SYNE3: variants seen among roughly 807,000 people sequenced by gnomAD.
SYNE3 encodes the protein nesprin-3.
A neutral mutation model predicts 111.2 loss-of-function variants in SYNE3; 100 were observed. That is an observed-to-expected ratio of 0.90 (90% CI 0.77 to 1.06). SYNE3 has a LOEUF of 1.06. SYNE3 is among the 50% of genes least tolerant of loss of function. The pLI, the probability that SYNE3 is intolerant of heterozygous loss-of-function variation, is 0.00. For synonymous variants in SYNE3, 547 were observed against 533.9 expected, an observed-to-expected ratio of 1.02 and a Z score of -0.34; for missense variants, 1,160 against 1,240.3, an observed-to-expected ratio of 0.94 and a Z score of 0.97.
intron 1 of SYNE3, among the ~76,000 whole-genome samples, chr14:95,514,320 G>C (rs1890833361): frequency 6.6e-6 from 1 of 152,200 alleles, no homozygotes; most frequent in Admixed American, 6.5e-5. Context: ...TGGGTCAGCT[G>C]TTTGGGGTCA....
chr14:95,508,590 G>A (rs1172919915), intron 1 of SYNE3, among the ~76,000 whole-genome samples: 1 of 152,262 alleles, frequency 6.6e-6, no homozygotes, highest in African/African-American at 2.4e-5. Flanking sequence ...CTCTGAGGCC[G>A]TGACTGTGAG....
In SYNE3 at chr14:95,433,306, T is replaced by C. The variant is rs987276582; in HGVS notation, c.2642A>G (p.Gln881Arg). ...TSDELEDLRY[Q>R]WMLYKSKLKD... ...CAGCTTGGACTTGTACAGCATCCAC[T>C]GGTAGCGCAGATCTTCCAGCTCATC... Residue 881 changes from glutamine to arginine, a missense_variant, in exon 16 of 18, where the codon CAG (glutamine) becomes CGG (arginine). Physicochemically the swap from Gln to Arg is conservative, Grantham distance 43. Coordinates refer to ENST00000682763, the MANE Select transcript of SYNE3 (RefSeq NM_152592.6). The C allele has an allele frequency of 2.5e-6, 4 of 1,613,992 alleles. No individual in the cohort carries two copies. The highest frequency in any genetic ancestry group is 1.1e-5 in the South Asian group (1 of 91,078).
chr14:95,494,302 A>G (rs1889985403), intron 1 of SYNE3, among the ~76,000 whole-genome samples: 1 of 152,210 alleles, frequency 6.6e-6, no homozygotes, highest in African/African-American at 2.4e-5. Context: ...AGAAAGGAGC[A>G]ATGATTCTTA....
chr14:95,440,508 A>G (rs758659108), intron 11 of SYNE3, among the ~76,000 whole-genome samples: 6 of 152,222 alleles, frequency 3.9e-5, no homozygotes, highest in South Asian at 2.1e-4. Context: ...TGACAGCCCC[A>G]AGTTGGAAAC....
chr14:95,436,815 C>T lies in SYNE3; in HGVS notation c.2538+5G>A, dbSNP rs376157244. The T allele has an allele frequency of 2.5e-6, 4 of 1,613,710 alleles. No individual in the cohort carries two copies. The highest frequency in any genetic ancestry group is 2.2e-5 in the East Asian group (1 of 44,900). ...TGGATGAGGGACCTTTCCTGGGGAA[C>T]AGACCTGCAGCTTCGATTTTCTGGT... On this transcript the variant is annotated splice_donor_5th_base_variant and intron_variant, in intron 15 of 17. Transcript: ENST00000682763.
At chr14:95,450,136 G>T in intron 7 of SYNE3, 31 bp from the exon 8 acceptor site, 1 of 1,555,244 alleles carries the variant, frequency 6.4e-7, no homozygotes. Context: ...GAAAATGAGG[G>T]AGGAGAGAGA....
chr14:95,454,921 C>T (rs1314069997), intron 6 of SYNE3, among the ~76,000 whole-genome samples: 1 of 152,164 alleles, frequency 6.6e-6, no homozygotes, highest in Non-Finnish European at 1.5e-5. Context: ...AAGCACCCCC[C>T]ACCACCGTGG....
At position 95,465,960 on chromosome 14, in the gene SYNE3, C is replaced by T; in HGVS notation, c.598G>A (p.Glu200Lys). ...DEDAQKRMKAEYDAVKAKAQK... is the reference protein window; with the variant it reads ...DEDAQKRMKAKYDAVKAKAQK... ...GCCTTGGCCTTCACTGCATCGTACT[C>T]AGCCTTCATTCTCTTCTGGGCATCT... The change falls in exon 4 of 18, where the codon GAG becomes AAG. Residue 200 changes from glutamate to lysine, a missense_variant. Transcript: ENST00000682763. The T allele has an allele frequency of 6.3e-7, 1 of 1,592,764 alleles. No individual in the cohort carries two copies. The highest frequency in any genetic ancestry group is 2.3e-5 in the East Asian group (1 of 44,254).
In SYNE3 at chr14:95,413,736, C is replaced by T. The variant is rs1445165359; in HGVS notation, c.*4090G>A. On this transcript the variant is annotated 3_prime_UTR_variant, in exon 18 of 18. Transcript: ENST00000682763. ...CCCTGCAGGGAACTCCAGCCAGCTG[C>T]CTGAAGCAAACGGGGCCTGAGAGAT... The T allele has an allele frequency of 6.6e-6, 1 of 152,238 alleles. No individual in the cohort carries two copies. Among genetic ancestry groups the T allele is most frequent in the Non-Finnish European group, 1.5e-5 (1 of 68,082 alleles). The allele number at this position is 152,238 out of a possible 1,614,324, so 9.4% of individuals were successfully genotyped here. A position where few individuals can be genotyped will look rare whatever the true frequency, so the allele number is the denominator to read the frequency against.
At chr14:95,443,053 T>C (rs1354772030) in intron 11 of SYNE3, 102 bp downstream of exon 11, 2 of 1,427,750 alleles carry the variant, frequency 1.4e-6, no homozygotes, top group Non-Finnish European at 1.9e-6. Flanking sequence ...AAAGAGAGGT[T>C]AGAAGGAATG....
rs2139597759 is a variant in SYNE3 at position 95,500,987 on chromosome 14, A to G, written c.-15+15609T>C. On this transcript the variant is annotated intron_variant, in intron 1 of 17. Transcript: ENST00000682763. The surrounding 1 kb of genome is among the most constrained non-coding windows in gnomAD (Gnocchi z 4.7). ...TCTCAGACAATACTGGCTTTAATGAATTTCTCTAAAGGGACTGATGGTCCA... is the reference window on the plus strand; with the variant it reads ...TCTCAGACAATACTGGCTTTAATGAGTTTCTCTAAAGGGACTGATGGTCCA... Among the ~76,000 whole-genome samples the G allele has an allele frequency of 6.6e-6, 1 of 152,330 alleles. No individual in the cohort carries two copies. Among genetic ancestry groups the G allele is most frequent in the South Asian group, 2.1e-4 (1 of 4,830 alleles).
At chr14:95,486,018 C>T (rs991409026) in intron 1 of SYNE3, among the ~76,000 whole-genome samples, 6 of 152,122 alleles carry the variant, frequency 3.9e-5, no homozygotes, top group Non-Finnish European at 7.4e-5. Flanking sequence ...CAGCTCCATC[C>T]GCATGATGCC....
intron 11 of SYNE3, among the ~76,000 whole-genome samples, chr14:95,442,233 C>T (rs1332920396): frequency 6.6e-6 from 1 of 152,218 alleles, no homozygotes; most frequent in Admixed American, 6.5e-5. Flanking sequence ...ACAGCATTTG[C>T]GGCTGTCACA....
At chr14:95,464,813 C>G (rs1398037882) in intron 4 of SYNE3, among the ~76,000 whole-genome samples, 1 of 152,224 alleles carries the variant, frequency 6.6e-6, no homozygotes, top group Non-Finnish European at 1.5e-5. Context: ...TCTACCATGT[C>G]AGGGGACACA....
intron 4 of SYNE3, among the ~76,000 whole-genome samples, chr14:95,464,535 A>T (rs1193134612): frequency 6.6e-5 from 10 of 152,258 alleles, no homozygotes; most frequent in African/African-American, 2.2e-4. Context: ...CAAACAAAAA[A>T]AACCAATCAC....
In SYNE3 at chr14:95,443,248, C is replaced by CTCCATCTGTGCCCCCAA. The variant is rs1478414480; in HGVS notation, c.1801_1817dup (p.Glu606AspfsTer67). ...TCTCCTGGACCAGAGGCCTTGCAGC[C>CTCCATCTGTGCCCCCAA]TCCATCTGTGCCCCCAAGTCCAGCC... On this transcript the variant is annotated frameshift_variant, in exon 11 of 18. Transcript: ENST00000682763. LOFTEE classifies it high-confidence loss of function. 6.2e-7 allele frequency: 1 copy of CTCCATCTGTGCCCCCAA among 1,614,106 alleles called. No homozygotes were observed. The highest frequency in any genetic ancestry group is 8.5e-7 in the Non-Finnish European group (1 of 1,180,030).
chr14:95,462,105 G>C (rs1477233287), intron 4 of SYNE3, among the ~76,000 whole-genome samples: 1 of 152,204 alleles, frequency 6.6e-6, no homozygotes, highest in African/African-American at 2.4e-5. Context: ...ATCCACGAAA[G>C]CTCCATCCAT....
At position 95,500,775 on chromosome 14, in the gene SYNE3, C is replaced by A. The variant is rs1313226685; in HGVS notation, c.-15+15821G>T. Among the ~76,000 whole-genome samples, 4 of 152,202 alleles carry A rather than the reference C, an allele frequency of 2.6e-5. No homozygotes were observed. Among genetic ancestry groups the A allele is most frequent in the Non-Finnish European group, 4.4e-5 (3 of 68,042 alleles). ...AGCAGCCCCATAGCAGAGTCACTGACCCTTCCTGCTGCAGCTACAGCTCCA... is the reference window on the plus strand; with the variant it reads ...AGCAGCCCCATAGCAGAGTCACTGAACCTTCCTGCTGCAGCTACAGCTCCA... On this transcript the variant is annotated intron_variant, in intron 1 of 17. Transcript: ENST00000682763. This position sits in a 1 kb window ranked among gnomAD's most constrained non-coding sequence, Gnocchi z 4.7.
rs939578768 is a variant in SYNE3, at chr14:95,478,429, G to A, written c.-14-2594C>T. 3.3e-5 allele frequency among the ~76,000 whole-genome samples: 5 copies of A among 152,118 alleles called. No homozygotes were observed. In the South Asian group the frequency reaches 6.2e-4, roughly 19 times the overall value. The stretch of plus-strand genomic sequence containing the variant: ...GTCGATGTTACTGTGACCCCTGCAC[G>A]CCAGGTCCTGGGGACCAGCTTCTGC... On this transcript the variant is annotated intron_variant, in intron 1 of 17. Transcript: ENST00000682763.
Sources: gnomAD v4.1 joint callset for allele counts (sites outside exome capture counted in the v4.1 genomes callset) on GRCh38, gnomAD v4.1.1 for gene constraint, Gnocchi (gnomAD v3.1) non-coding constraint, MANE v1.5 for transcripts, NCBI Gene and HGNC (gene_info 2026-07-23, HGNC 2026-07-21) for gene names.